The following AGPAT4 variants were observed in gnomAD, a reference collection of about 807,000 sequenced individuals.
The protein encoded by AGPAT4 is 1-acyl-sn-glycerol-3-phosphate acyltransferase delta.
Under a neutral mutation model 48.0 loss-of-function variants are expected in AGPAT4, and 15 were observed. That is an observed-to-expected ratio of 0.31 (90% CI 0.21 to 0.48). The LOEUF (loss-of-function observed/expected upper bound fraction) is 0.48, where lower values mean the gene tolerates loss of function less well. Among genes scored for constraint, AGPAT4 ranks in the 20% least tolerant of loss-of-function variants. The probability of loss-of-function intolerance (pLI) is 0.99; values close to 1 mark genes in which losing one functional copy is unlikely to be tolerated. For missense variants in AGPAT4, 314 were observed against 482.5 expected, an observed-to-expected ratio of 0.65 and a Z score of 3.27; for synonymous variants, 178 against 198.7, an observed-to-expected ratio of 0.90 and a Z score of 0.88.
rs952877457 is a variant in AGPAT4, at chr6:161,130,589, C to T, written c.*5951G>A. ...GAGCAACTCATTCCCTGACCTGAAC[C>T]GGGTGTGTTCCACCCTTGCCCATGG... On this transcript the variant is annotated 3_prime_UTR_variant, in exon 9 of 9. Coordinates refer to ENST00000320285, the MANE Select transcript of AGPAT4 (RefSeq NM_020133.3). The T allele has an allele frequency of 9.2e-6, 2 of 217,040 alleles. No individual in the cohort carries two copies. Among genetic ancestry groups the T allele is most frequent in the African/African-American group, 2.3e-5 (1 of 44,404 alleles). The allele number at this position is 217,040 out of a possible 1,614,324, so 13.4% of individuals were successfully genotyped here.
At position 161,161,744 on chromosome 6, in the gene AGPAT4, G is replaced by T; in HGVS notation, c.348+4504C>A. 3.1e-6 allele frequency: 1 copy of T among 323,960 alleles called. No homozygotes were observed. Among genetic ancestry groups the T allele is most frequent in the Non-Finnish European group, 6.2e-6 (1 of 161,940 alleles). The allele number at this position is 323,960 out of a possible 1,614,324, so 20.1% of individuals were successfully genotyped here. A position where few individuals can be genotyped will look rare whatever the true frequency, so the allele number is the denominator to read the frequency against. The stretch of plus-strand genomic sequence containing the variant: ...AATAATGCTGTGTTGCATGAACACG[G>T]TCTCCTAGAGAAACCACACACAATC... On this transcript the variant is annotated intron_variant, in intron 3 of 8. Coordinates refer to ENST00000320285, the MANE Select transcript of AGPAT4 (RefSeq NM_020133.3). This position sits in a 1 kb window ranked among gnomAD's most constrained non-coding sequence, Gnocchi z 4.6.
chr6:161,193,034 C>T (rs1430416714), intron 2 of AGPAT4, among the ~76,000 whole-genome samples: 3 of 152,150 alleles, frequency 2.0e-5, no homozygotes, highest in African/African-American at 7.2e-5. Flanking sequence ...CCGTGGGTTT[C>T]ACTGGGCTTC....
At position 161,164,787 on chromosome 6, in the gene AGPAT4, A is replaced by G. The variant is rs1383570980; in HGVS notation, c.348+1461T>C. ...GGATTGGAAGGCACCCCCAAGTTCA[A>G]TGGGCCTTCTGCTCTACCTCAGAGA... is the stretch of plus-strand genomic sequence containing the variant. On this transcript the variant is annotated intron_variant, in intron 3 of 8. Coordinates refer to ENST00000320285, the MANE Select transcript of AGPAT4 (RefSeq NM_020133.3). This position sits in a 1 kb window ranked among gnomAD's most constrained non-coding sequence, Gnocchi z 7.4. Among the ~76,000 whole-genome samples, 2 of 152,182 alleles carry G rather than the reference A, an allele frequency of 1.3e-5. No homozygotes were observed. The highest frequency in any genetic ancestry group is 4.8e-5 in the African/African-American group (2 of 41,432).
intron 2 of AGPAT4, among the ~76,000 whole-genome samples, chr6:161,179,287 G>A (rs531769266): frequency 4.4e-4 from 67 of 152,216 alleles, no homozygotes; most frequent in African/African-American, 1.5e-3. Context: ...CAGACACAAG[G>A]GCCCAGCACC....
chr6:161,265,715 G>A (rs568640724), intron 1 of AGPAT4, among the ~76,000 whole-genome samples: 3 of 152,242 alleles, frequency 2.0e-5, no homozygotes, highest in Admixed American at 1.3e-4. Flanking sequence ...GGGGAACGAG[G>A]AGGGCCTGTC....
rs1782573378 is a variant in AGPAT4 at position 161,243,945 on chromosome 6, G to A, written c.-89-11643C>T. Among the ~76,000 whole-genome samples the A allele has an allele frequency of 6.6e-6, 1 of 152,208 alleles. No individual in the cohort carries two copies. Among genetic ancestry groups the A allele is most frequent in the East Asian group, 1.9e-4 (1 of 5,194 alleles). ...TGATTATGTCCTTATTCCCAGCCCA[G>A]AGGAAGGCAGTTCAAAGTCATTGGT... On this transcript the variant is annotated intron_variant, in intron 1 of 8. Coordinates refer to ENST00000320285, the MANE Select transcript of AGPAT4 (RefSeq NM_020133.3). The surrounding 1 kb of genome is among the most constrained non-coding windows in gnomAD (Gnocchi z 4.8).
At chr6:161,247,981 CAAAAAAAAAAA>C (rs143168079) in intron 1 of AGPAT4, among the ~76,000 whole-genome samples, 3 of 28,212 alleles carry the variant, frequency 1.1e-4, no homozygotes, top group Non-Finnish European at 1.9e-4. Flanking sequence ...GACTCTGTCT[CAAAAAAAAAAA>C]AAAAAAAAAA....
rs369235366 is a variant in AGPAT4 at position 161,201,265 on chromosome 6, A to G, written c.178+30771T>C. ...GTGAAGGTTAAGAAGCCATTAATGA[A>G]AAATGACAATTTTCTCTGGGACTGG... On this transcript the variant is annotated intron_variant, in intron 2 of 8. Transcript: ENST00000320285. This position sits in a 1 kb window ranked among gnomAD's most constrained non-coding sequence, Gnocchi z 6.0. Among the ~76,000 whole-genome samples the G allele has an allele frequency of 8.1e-4, 123 of 152,312 alleles. 1 individual carries two copies. The South Asian group carries it at 0.019, about 23-fold the overall frequency.
intron 1 of AGPAT4, among the ~76,000 whole-genome samples, chr6:161,241,244 C>T (rs1582902344): frequency 1.1e-5 from 1 of 87,734 alleles, no homozygotes; most frequent in South Asian, 3.5e-4. Flanking sequence ...GCCTAGGCAA[C>T]AAGAGCAAAA....
At chr6:161,168,224 T>C (rs1780165016) in intron 2 of AGPAT4, among the ~76,000 whole-genome samples, 1 of 152,120 alleles carries the variant, frequency 6.6e-6, no homozygotes. Flanking sequence ...AAGATGCCTG[T>C]AGTGCTGGGC....
chr6:161,180,906 A>C lies in AGPAT4; in HGVS notation c.179-14489T>G, dbSNP rs1051273656. Reference sequence around the variant, plus strand: ...TATTATATTTGCCATTGTGCTGTTCAGCTTAAGAGATTACTAATAGGAAAA... The same window carrying C: ...TATTATATTTGCCATTGTGCTGTTCCGCTTAAGAGATTACTAATAGGAAAA... On this transcript the variant is annotated intron_variant, in intron 2 of 8. Transcript: ENST00000320285. This position sits in a 1 kb window ranked among gnomAD's most constrained non-coding sequence, Gnocchi z 6.4. 2.0e-5 allele frequency among the ~76,000 whole-genome samples: 3 copies of C among 152,162 alleles called. No individual in the cohort carries two copies. The highest frequency in any genetic ancestry group is 7.2e-5 in the African/African-American group (3 of 41,424).
Position 161,220,012 on chromosome 6 carries a change from C to T in AGPAT4, c.178+12024G>A, listed in dbSNP as rs1238942855. Among the ~76,000 whole-genome samples the T allele has an allele frequency of 4.0e-5, 6 of 151,724 alleles. No homozygotes were observed. The highest frequency in any genetic ancestry group is 7.4e-5 in the Non-Finnish European group (5 of 67,982). The stretch of plus-strand genomic sequence containing the variant: ...TTTAAAAAATAAATGGATTATTACT[C>T]AAAATACACAAGGCTTGCTATCACA... On this transcript the variant is annotated intron_variant, in intron 2 of 8. Coordinates refer to ENST00000320285, the MANE Select transcript of AGPAT4 (RefSeq NM_020133.3). The surrounding 1 kb of genome is among the most constrained non-coding windows in gnomAD (Gnocchi z 6.0).
intron 2 of AGPAT4, among the ~76,000 whole-genome samples, chr6:161,173,558 G>A (rs1249034446): frequency 1.3e-5 from 2 of 152,174 alleles, no homozygotes; most frequent in Non-Finnish European, 2.9e-5. Context: ...TTTGTCAGAT[G>A]GGTAGATTGT....
rs762297666 is a variant in AGPAT4 at position 161,215,228 on chromosome 6, C to T, written c.178+16808G>A. Reference sequence around the variant, plus strand: ...CTTATGATCCTACTCTTCCATAACTCATACACTGCATGTGTTGTAATCTGT... The same window carrying T: ...CTTATGATCCTACTCTTCCATAACTTATACACTGCATGTGTTGTAATCTGT... On this transcript the variant is annotated intron_variant, in intron 2 of 8. Coordinates refer to ENST00000320285, the MANE Select transcript of AGPAT4 (RefSeq NM_020133.3). This position sits in a 1 kb window ranked among gnomAD's most constrained non-coding sequence, Gnocchi z 4.5. 2.4e-4 allele frequency among the ~76,000 whole-genome samples: 36 copies of T among 152,196 alleles called. No homozygotes were observed. Among genetic ancestry groups the T allele is most frequent in the Non-Finnish European group, 4.7e-4 (32 of 68,028 alleles).
chr6:161,236,617 G>A lies in AGPAT4; in HGVS notation c.-89-4315C>T, dbSNP rs1782284453. On this transcript the variant is annotated intron_variant, in intron 1 of 8. Transcript: ENST00000320285. This position sits in a 1 kb window ranked among gnomAD's most constrained non-coding sequence, Gnocchi z 5.0. ...GAGGGCTTAAAGCAGTAAAAGGAAA[G>A]GGGAGGCCGGGAGCAGTGGCTCACA... Among the ~76,000 whole-genome samples the A allele has an allele frequency of 6.6e-6, 1 of 152,102 alleles. No homozygotes were observed. Among genetic ancestry groups the A allele is most frequent in the African/African-American group, 2.4e-5 (1 of 41,408 alleles).
chr6:161,149,299 AT>A lies in AGPAT4; in HGVS notation c.665-11del. The A allele has an allele frequency of 6.2e-7, 1 of 1,605,022 alleles. No homozygotes were observed. On this transcript the variant is annotated splice_polypyrimidine_tract_variant and intron_variant, in intron 5 of 8. Coordinates refer to ENST00000320285, the MANE Select transcript of AGPAT4 (RefSeq NM_020133.3). This position sits in a 1 kb window ranked among gnomAD's most constrained non-coding sequence, Gnocchi z 6.5. ...TCATATACAGCTGAAACTATAAAAA[AT>A]AAAACAAATACAAAGCAGTATATAG...
intron 1 of AGPAT4, among the ~76,000 whole-genome samples, chr6:161,247,981 C>CAAAAAAA (rs143168079): frequency 2.8e-4 from 8 of 28,210 alleles, no homozygotes; most frequent in African/African-American, 1.1e-3. Context: ...GACTCTGTCT[C>CAAAAAAA]AAAAAAAAAA....
intron 1 of AGPAT4, among the ~76,000 whole-genome samples, chr6:161,271,686 T>C (rs1783428335): frequency 6.6e-6 from 1 of 152,214 alleles, no homozygotes; most frequent in Non-Finnish European, 1.5e-5. Flanking sequence ...GTTTATTGGG[T>C]TTGGGTTTTT....
chr6:161,188,901 G>A (rs1323302569), intron 2 of AGPAT4, among the ~76,000 whole-genome samples: 1 of 152,200 alleles, frequency 6.6e-6, no homozygotes, highest in Non-Finnish European at 1.5e-5. Flanking sequence ...AAATGGAAGA[G>A]AGATGGCTTT....
Sources: gnomAD v4.1 joint callset for allele counts (sites outside exome capture counted in the v4.1 genomes callset) on GRCh38, gnomAD v4.1.1 for gene constraint, Gnocchi (gnomAD v3.1) non-coding constraint, MANE v1.5 for transcripts, NCBI Gene and HGNC (gene_info 2026-07-23, HGNC 2026-07-21) for gene names.